FREM1: variants seen among roughly 807,000 people sequenced by gnomAD.
FREM1 encodes FRAS1-related extracellular matrix protein 1.
Under a neutral mutation model 210.1 loss-of-function variants are expected in FREM1, and 220 were observed. The ratio of observed to expected loss-of-function variants is 1.05; its 90% CI spans 0.94 to 1.17. The LOEUF is 1.17. Among genes scored for constraint, FREM1 ranks in the 50% most tolerant of loss-of-function variants. The pLI is 0.00. For synonymous variants in FREM1, 1,189 were observed against 980.2 expected (o/e 1.21, Z -3.98); for missense variants, 3,454 against 2,675.5 (o/e 1.29, Z -6.42).
At chr9:14,741,455 A>G (rs1351930893) in intron 35 of FREM1, among the ~76,000 whole-genome samples, 1 of 152,220 alleles carries the variant, frequency 6.6e-6, no homozygotes, top group Non-Finnish European at 1.5e-5. Context: ...GAATGGCCTT[A>G]GACCGCTGGA....
intron 19 of FREM1, among the ~76,000 whole-genome samples, chr9:14,802,285 C>T (rs1248576370): frequency 6.6e-6 from 1 of 152,218 alleles, no homozygotes; most frequent in Non-Finnish European, 1.5e-5. Flanking sequence ...CTCCTTGCTT[C>T]TACAAGTCTT....
chr9:14,839,198 G>A (rs1825187034), intron 10 of FREM1, among the ~76,000 whole-genome samples: 1 of 152,190 alleles, frequency 6.6e-6, no homozygotes, highest in South Asian at 2.1e-4. Flanking sequence ...TGGGGAGGTA[G>A]AGATAGATCA....
At chr9:14,883,547 C>A (rs1462084241) in intron 1 of FREM1, among the ~76,000 whole-genome samples, 2 of 151,856 alleles carry the variant, frequency 1.3e-5, no homozygotes, top group Non-Finnish European at 2.9e-5. Flanking sequence ...ACGAGCAGAC[C>A]GAGAAAGGGC....
intron 22 of FREM1, among the ~76,000 whole-genome samples, chr9:14,792,272 G>GAACA (rs1851514470): frequency 7.0e-6 from 1 of 142,244 alleles, no homozygotes; most frequent in Admixed American, 7.1e-5. Context: ...ACACACACAC[G>GAACA]CACACACACA....
At chr9:14,854,442 T>C (rs1398413940) in intron 5 of FREM1, among the ~76,000 whole-genome samples, 3 of 152,058 alleles carry the variant, frequency 2.0e-5, no homozygotes, top group Admixed American at 6.6e-5. Flanking sequence ...GTGATACAAA[T>C]TGATCATTAA....
chr9:14,752,747 T>C (rs910139682), intron 29 of FREM1, among the ~76,000 whole-genome samples: 2 of 152,128 alleles, frequency 1.3e-5, no homozygotes, highest in East Asian at 1.9e-4. Flanking sequence ...TCAAAGACCA[T>C]AAAGTTAAGC....
intron 1 of FREM1, among the ~76,000 whole-genome samples, chr9:14,874,322 C>A (rs1427532039): frequency 3.2e-4 from 48 of 151,088 alleles, no homozygotes; most frequent in African/African-American, 1.0e-3. Context: ...GTAGGTCACT[C>A]AGGACTTGCT....
At chr9:14,806,965 T>G (rs550032747) in intron 17 of FREM1, 119 bp from the exon 18 acceptor site, 2 of 536,940 alleles carry the variant, frequency 3.7e-6, no homozygotes, top group South Asian at 7.7e-5. Flanking sequence ...GCAAAAACAT[T>G]TCCATGGGAG....
At chr9:14,861,558 G>C (rs973063200) in intron 3 of FREM1, among the ~76,000 whole-genome samples, 2 of 142,920 alleles carry the variant, frequency 1.4e-5, no homozygotes, top group Non-Finnish European at 3.0e-5. Context: ...CCAGGCTGGA[G>C]TGCAGTGCTG....
At chr9:14,830,807 A>G (rs925797865) in intron 10 of FREM1, among the ~76,000 whole-genome samples, 1 of 152,226 alleles carries the variant, frequency 6.6e-6, no homozygotes, top group African/African-American at 2.4e-5. Flanking sequence ...CATCGAAGCC[A>G]TATCACTTTG....
chr9:14,770,609 T>A lies in FREM1; in HGVS notation c.5055A>T (p.Thr1685=), dbSNP rs757163434. The change falls in exon 26 of 37, where the codon ACA becomes ACT. Residue 1685 remains threonine (T), a synonymous_variant. Coordinates refer to ENST00000380880, the MANE Select transcript of FREM1 (RefSeq NM_001379081.2). ...AAGGATTAAGGAGGCCAGTACCTGT[T>A]GTTGTGTTCTCCAGATGTCCATGTT... ...GPKHGHLENT[T]TGEFIHEKFS... 1.2e-6 allele frequency: 2 copies of A among 1,609,740 alleles called. No homozygotes were observed. The highest frequency in any genetic ancestry group is 1.7e-6 in the Non-Finnish European group (2 of 1,176,556).
chr9:14,833,168 G>A (rs1007339786), intron 10 of FREM1, among the ~76,000 whole-genome samples: 2 of 152,156 alleles, frequency 1.3e-5, no homozygotes, highest in Admixed American at 6.5e-5. Flanking sequence ...GGTGCCAGCC[G>A]ATCCATCAAG....
rs538677393 is a variant in FREM1, at chr9:14,860,864, C to T, written c.330-1380G>A. Among the ~76,000 whole-genome samples the T allele has an allele frequency of 3.4e-3, 168 of 49,464 alleles. 3 individuals carry two copies. Among genetic ancestry groups the T allele is most frequent in the African/African-American group, 4.9e-3 (25 of 5,074 alleles). The allele number at this position is 49,464 out of a possible 152,430, so 32.5% of individuals were successfully genotyped here. A position where few individuals can be genotyped will look rare whatever the true frequency, so the allele number is the denominator to read the frequency against. ...ATATACATATATACGTATATATACA[C>T]ATATATATACGTATATATACACATA... On this transcript the variant is annotated intron_variant, in intron 3 of 36. Transcript: ENST00000380880.
In FREM1 at chr9:14,759,902, C is replaced by T. The variant is rs1064797351; in HGVS notation, c.5205-1G>A. The T allele has an allele frequency of 2.5e-5, 40 of 1,607,804 alleles. No individual in the cohort carries two copies. The highest frequency in any genetic ancestry group is 3.1e-5 in the Non-Finnish European group (36 of 1,176,658). ...AATATGAGACCACTTCAGTTCCAAA[C>T]TGTGTGTGAAAGGAAAAGAGAAATC... On this transcript the variant is annotated splice_acceptor_variant, in intron 27 of 36. Transcript: ENST00000380880. LOFTEE classifies it high-confidence loss of function.
intron 28 of FREM1, 149 bp downstream of exon 28, chr9:14,759,623 T>C (rs1318434131): frequency 1.0e-5 from 6 of 589,868 alleles, no homozygotes; most frequent in Non-Finnish European, 1.4e-5. Flanking sequence ...GCCAAGGAGG[T>C]TTTGTGCTTA....
intron 19 of FREM1, among the ~76,000 whole-genome samples, chr9:14,803,314 T>TC: frequency 2.2e-5 from 1 of 45,138 alleles, no homozygotes; most frequent in Admixed American, 2.3e-4. Context: ...CTCTTTTTCT[T>TC]TTCCCCTCCC....
chr9:14,843,128 G>C (rs1432867568), intron 8 of FREM1, among the ~76,000 whole-genome samples: 1 of 152,194 alleles, frequency 6.6e-6, no homozygotes, highest in African/African-American at 2.4e-5. Flanking sequence ...AAAAGGAAGA[G>C]GAAAGGGGAA....
At chr9:14,819,973 G>A (rs1820997294) in intron 13 of FREM1, among the ~76,000 whole-genome samples, 1 of 152,174 alleles carries the variant, frequency 6.6e-6, no homozygotes, top group South Asian at 2.1e-4. Flanking sequence ...TGGCAAAATT[G>A]AAGATTCCAG....
intron 3 of FREM1, among the ~76,000 whole-genome samples, chr9:14,861,157 G>T (rs111206608): frequency 3.8e-5 from 2 of 52,252 alleles, no homozygotes; most frequent in South Asian, 6.3e-4. Flanking sequence ...ACATATATAC[G>T]TATATACACA....
Sources: allele counts gnomAD v4.1 joint callset (sites outside exome capture counted in the v4.1 genomes callset), GRCh38; gene constraint gnomAD v4.1.1; transcripts MANE v1.5; gene names NCBI Gene and HGNC (gene_info 2026-07-23, HGNC 2026-07-21).